Variants in TBC1D22A observed in about 807,000 individuals in gnomAD.
The protein encoded by TBC1D22A is TBC1 domain family member 22A.
Under a neutral mutation model 60.2 loss-of-function variants are expected in TBC1D22A, and 38 were observed. The ratio of observed to expected loss-of-function variants is 0.63; its 90% CI spans 0.49 to 0.83. TBC1D22A has a LOEUF of 0.83. Among genes scored for constraint, TBC1D22A ranks in the 40% least tolerant of loss-of-function variants. The pLI is 0.00. For missense variants in TBC1D22A, 628 were observed against 701.0 expected, an observed-to-expected ratio of 0.90 and a Z score of 1.18; for synonymous variants, 302 against 281.7, an observed-to-expected ratio of 1.07 and a Z score of -0.72.
chr22:46,941,513 A>G (rs2072082294), intron 8 of TBC1D22A, among the ~76,000 whole-genome samples: 1 of 146,186 alleles, frequency 6.8e-6, no homozygotes. Context: ...ATATATACGG[A>G]ATATATATAC....
chr22:46,964,437 A>G (rs779798931), intron 8 of TBC1D22A, among the ~76,000 whole-genome samples: 7 of 152,182 alleles, frequency 4.6e-5, no homozygotes, highest in Non-Finnish European at 8.8e-5. Context: ...CCTCTTTGTT[A>G]AAGGGAGGCC....
intron 12 of TBC1D22A, among the ~76,000 whole-genome samples, chr22:47,158,956 G>A (rs545490829): frequency 1.1e-4 from 17 of 151,040 alleles, no homozygotes; most frequent in African/African-American, 3.4e-4. Context: ...CACACACCAT[G>A]TATACACAGA....
intron 8 of TBC1D22A, among the ~76,000 whole-genome samples, chr22:46,930,519 G>A (rs576704807): frequency 1.3e-5 from 2 of 151,956 alleles, no homozygotes; most frequent in South Asian, 4.2e-4. Flanking sequence ...GCAATGGCGC[G>A]ATCTTGGCTC....
At chr22:47,115,547 C>T (rs1035498387) in intron 12 of TBC1D22A, among the ~76,000 whole-genome samples, 27 of 152,180 alleles carry the variant, frequency 1.8e-4, no homozygotes, top group African/African-American at 5.8e-4. Context: ...TTGTGTGTCC[C>T]GCGGTGCCCG....
intron 12 of TBC1D22A, among the ~76,000 whole-genome samples, chr22:47,122,081 C>T (rs2066291210): frequency 6.6e-6 from 1 of 152,230 alleles, no homozygotes; most frequent in Non-Finnish European, 1.5e-5. Flanking sequence ...AGAGGCGTGC[C>T]CTGCTCGTCT....
chr22:47,081,420 C>T (rs375761378), intron 11 of TBC1D22A, among the ~76,000 whole-genome samples: 1 of 152,172 alleles, frequency 6.6e-6, no homozygotes, highest in African/African-American at 2.4e-5. Context: ...GCTTTTCCCC[C>T]TAAGGTGAGA....
chr22:46,941,905 ATATATG>A (rs1022155255), intron 8 of TBC1D22A, among the ~76,000 whole-genome samples: 20 of 138,520 alleles, frequency 1.4e-4, no homozygotes, highest in Admixed American at 3.8e-4. Flanking sequence ...TGTATATAGA[ATATATG>A]TATATGTATA....
chr22:46,920,260 G>A (rs184844971), intron 8 of TBC1D22A, among the ~76,000 whole-genome samples: 6 of 152,072 alleles, frequency 3.9e-5, no homozygotes, highest in Admixed American at 2.0e-4. Context: ...TTTATTTTTT[G>A]TAGAGGCAGA....
At chr22:47,166,756 A>G (rs1400724654) in intron 12 of TBC1D22A, among the ~76,000 whole-genome samples, 1 of 152,226 alleles carries the variant, frequency 6.6e-6, no homozygotes, top group African/African-American at 2.4e-5. Context: ...GTGGTCACCC[A>G]GTGAACACCT....
intron 2 of TBC1D22A, among the ~76,000 whole-genome samples, chr22:46,793,292 C>T (rs1206476677): frequency 6.6e-6 from 1 of 152,200 alleles, no homozygotes; most frequent in Non-Finnish European, 1.5e-5. Context: ...CTTCCTGGAG[C>T]CCCCTCCCCC....
At chr22:47,098,357 C>A (rs2065265331) in intron 11 of TBC1D22A, among the ~76,000 whole-genome samples, 1 of 152,174 alleles carries the variant, frequency 6.6e-6, no homozygotes, top group Non-Finnish European at 1.5e-5. Flanking sequence ...GGTGATGGGG[C>A]AGCATGGGGC....
At chr22:47,062,806 C>G (rs2063623399) in intron 11 of TBC1D22A, among the ~76,000 whole-genome samples, 1 of 152,156 alleles carries the variant, frequency 6.6e-6, no homozygotes, top group African/African-American at 2.4e-5. Context: ...GATGAACCTG[C>G]AGGCTGCCCA....
intron 4 of TBC1D22A, among the ~76,000 whole-genome samples, chr22:46,837,040 A>G (rs1403206491): frequency 6.6e-6 from 1 of 151,598 alleles, no homozygotes; most frequent in African/African-American, 2.4e-5. Flanking sequence ...ACGTGCCTGT[A>G]GTCCTAGGTG....
chr22:46,894,721 A>T, intron 6 of TBC1D22A, 63 bp from the exon 7 acceptor site: 1 of 1,593,348 alleles, frequency 6.3e-7, no homozygotes, highest in South Asian at 1.1e-5. Flanking sequence ...TGTTTTAATC[A>T]TATCGCTCGT....
chr22:46,827,767 G>A (rs143499683), intron 4 of TBC1D22A, among the ~76,000 whole-genome samples: 371 of 152,266 alleles, frequency 2.4e-3, no homozygotes, highest in African/African-American at 8.2e-3. Flanking sequence ...TGGGTGGAGC[G>A]TACTGGGGTC....
At chr22:46,808,884 G>A (rs1172562074) in intron 4 of TBC1D22A, among the ~76,000 whole-genome samples, 2 of 152,344 alleles carry the variant, frequency 1.3e-5, no homozygotes, top group East Asian at 3.9e-4. Context: ...GTGAGCCACC[G>A]TGCCCGGCCT....
chr22:46,811,896 G>A (rs1249663409), intron 4 of TBC1D22A, among the ~76,000 whole-genome samples: 2 of 152,150 alleles, frequency 1.3e-5, no homozygotes, highest in Non-Finnish European at 2.9e-5. Flanking sequence ...TGGAGAGGAG[G>A]TGCTGAGATC....
chr22:47,058,701 C>T (rs1277506525), intron 11 of TBC1D22A, among the ~76,000 whole-genome samples: 1 of 152,146 alleles, frequency 6.6e-6, no homozygotes, highest in African/African-American at 2.4e-5. Context: ...TGGAGAGCCA[C>T]AGTGGCTCTG....
intron 8 of TBC1D22A, among the ~76,000 whole-genome samples, chr22:46,941,986 T>G (rs1423431247): frequency 7.1e-6 from 1 of 139,872 alleles, no homozygotes. Context: ...TTGAACAGCA[T>G]GGGGCCTGGG....
Sources: allele counts gnomAD v4.1 joint callset (sites outside exome capture counted in the v4.1 genomes callset), GRCh38; gene constraint gnomAD v4.1.1; transcripts MANE v1.5; gene names NCBI Gene and HGNC (gene_info 2026-07-23, HGNC 2026-07-21).